The following NEMP1 variants were observed in gnomAD, a reference collection of about 807,000 sequenced individuals.
The protein encoded by NEMP1 is nuclear envelope integral membrane protein 1, also known as transmembrane protein 194.
NEMP1 carries 29 observed loss-of-function variants against 53.7 expected under a neutral mutation model. The ratio of observed to expected loss-of-function variants is 0.54; its 90% CI spans 0.40 to 0.74. The LOEUF (loss-of-function observed/expected upper bound fraction) is 0.74. Ranked by LOEUF, NEMP1 falls within the 30% of genes least tolerant of loss-of-function variation. The pLI is 0.00. For synonymous variants in NEMP1, 193 were observed against 192.9 expected, an observed-to-expected ratio of 1.00 and a Z score of 0.00; for missense variants, 477 against 528.6, an observed-to-expected ratio of 0.90 and a Z score of 0.96.
Position 57,063,125 on chromosome 12 carries a change from G to A in NEMP1, c.974C>T (p.Thr325Ile). 6.2e-7 allele frequency: 1 copy of A among 1,611,484 alleles called. No individual in the cohort carries two copies. The highest frequency in any genetic ancestry group is 8.5e-7 in the Non-Finnish European group (1 of 1,177,606). Residue 325 changes from threonine (T) to isoleucine (I), a missense_variant, in exon 7 of 9, where the codon ACC becomes ATC. Coordinates refer to ENST00000300128, the MANE Select transcript of NEMP1 (RefSeq NM_001130963.2). ...TACATTGCCTTTCAGTCACCTGCAG[G>A]TGATGTACAGCCACTGAATAGGGTG... ...LEHPIQWLYI[T>I]CRKVCKGAEK...
chr12:57,060,045 A>G lies in NEMP1; in HGVS notation c.1169T>C (p.Val390Ala). ...IQSPKRFADF[V>A]EGSSHLTPNE... ...TGGCGTGAGGTGGGAAGAGCCTTCC[A>G]CAAAGTCAGCAAATCTGGAAAAGAG... is the stretch of plus-strand genomic sequence containing the variant. The change falls in exon 9 of 9, where the codon GTG (valine) becomes GCG (alanine). Residue 390 changes from valine to alanine, a missense_variant. Val to Ala is a moderately conservative substitution (Grantham distance 64). Coordinates refer to ENST00000300128, the MANE Select transcript of NEMP1 (RefSeq NM_001130963.2). The G allele has an allele frequency of 1.9e-6, 3 of 1,613,772 alleles. No individual in the cohort carries two copies. Among genetic ancestry groups the G allele is most frequent in the East Asian group, 2.2e-5 (1 of 44,896 alleles).
chr12:57,059,570 CAAG>C lies in NEMP1; in HGVS notation c.*306_*308del, dbSNP rs879327428. On this transcript the variant is annotated 3_prime_UTR_variant, in exon 9 of 9. Transcript: ENST00000300128. The stretch of plus-strand genomic sequence containing the variant: ...GAAATGCCATGATTGAATCAACTTT[CAAG>C]AAGGAGCTAGAATGCCATGCTAGCT... The C allele has an allele frequency of 2.3e-4, 52 of 226,884 alleles. No individual in the cohort carries two copies. In the Admixed American group the frequency reaches 2.3e-3, roughly 10 times the overall value. 14.1% of individuals were successfully genotyped at this position (226,884 alleles called of 1,614,324 possible).
rs372274686 is a variant in NEMP1 at position 57,058,767 on chromosome 12, G to A, written c.*1112C>T. 2 of 152,174 alleles carry A rather than the reference G, an allele frequency of 1.3e-5. No individual in the cohort carries two copies. Among genetic ancestry groups the A allele is most frequent in the African/African-American group, 4.8e-5 (2 of 41,438 alleles). 9.4% of individuals were successfully genotyped at this position (152,174 alleles called of 1,614,324 possible). A position where few individuals can be genotyped will look rare whatever the true frequency, so the allele number is the denominator to read the frequency against. On this transcript the variant is annotated 3_prime_UTR_variant, in exon 9 of 9. Coordinates refer to ENST00000300128, the MANE Select transcript of NEMP1 (RefSeq NM_001130963.2). ...GTATCAAGAAACTACATAGTTTCAA[G>A]GCTTAAAAATTACCCAGATTTGGGG...
intron 2 of NEMP1, among the ~76,000 whole-genome samples, chr12:57,071,595 T>C (rs1481785856): frequency 1.3e-5 from 2 of 152,156 alleles, no homozygotes; most frequent in Non-Finnish European, 2.9e-5. Flanking sequence ...GCCAGGCTGG[T>C]CTCGAACTCC....
intron 1 of NEMP1, among the ~76,000 whole-genome samples, chr12:57,077,166 A>C: frequency 6.6e-6 from 1 of 151,312 alleles, no homozygotes; most frequent in Non-Finnish European, 1.5e-5. Context: ...CCCCCTCTCT[A>C]CTAAAAATAC....
intron 5 of NEMP1, 132 bp downstream of exon 5, chr12:57,064,514 T>C: frequency 1.7e-6 from 1 of 605,694 alleles, no homozygotes; most frequent in South Asian, 2.7e-5. Context: ...AGTACCTTTC[T>C]GAATCAAGGA....
rs777320962 is a variant in NEMP1 at position 57,064,080 on chromosome 12, A to C, written c.745T>G (p.Tyr249Asp). The C allele has an allele frequency of 6.3e-7, 1 of 1,591,848 alleles. No homozygotes were observed. The highest frequency in any genetic ancestry group is 2.3e-5 in the East Asian group (1 of 44,414). The change falls in exon 6 of 9, where the codon TAT becomes GAT. Residue 249 changes from tyrosine to aspartate, a missense_variant. Physicochemically the swap from Tyr to Asp is radical, Grantham distance 160. Coordinates refer to ENST00000300128, the MANE Select transcript of NEMP1 (RefSeq NM_001130963.2). ...AACCGACAACACTTACTTAAAAGATACTGCCAGTAACACCTCCAGATCTCT... is the reference window on the plus strand; with the variant it reads ...AACCGACAACACTTACTTAAAAGATCCTGCCAGTAACACCTCCAGATCTCT... ...LQEIWRCYWQYLLSYVLTVGF... is the reference protein window; with the variant it reads ...LQEIWRCYWQDLLSYVLTVGF...
intron 1 of NEMP1, chr12:57,087,862 C>T (rs1205506257): frequency 6.6e-6 from 1 of 152,214 alleles, no homozygotes; most frequent in African/African-American, 2.4e-5. Flanking sequence ...CCCTCCTTTC[C>T]CTGGGGCTTA....
chr12:57,081,544 A>G (rs528961920), upstream of NEMP1, among the ~76,000 whole-genome samples: 21 of 146,136 alleles, frequency 1.4e-4, 1 homozygote, highest in East Asian at 4.8e-3. Context: ...TGCCCAGCCC[A>G]TTATGTTTTT....
At chr12:57,065,739 G>A (rs2136492133) in intron 4 of NEMP1, among the ~76,000 whole-genome samples, 1 of 151,866 alleles carries the variant, frequency 6.6e-6, no homozygotes, top group South Asian at 2.1e-4. Flanking sequence ...GGGCTCAAGT[G>A]ATCTGCCCGC....
intron 1 of NEMP1, among the ~76,000 whole-genome samples, chr12:57,084,481 A>G (rs1053125907): frequency 1.3e-5 from 2 of 152,088 alleles, no homozygotes; most frequent in African/African-American, 4.8e-5. Context: ...CTTATTTTCT[A>G]TATTTTGAAT....
At chr12:57,067,546 G>A (rs1162916905) in intron 4 of NEMP1, among the ~76,000 whole-genome samples, 2 of 152,112 alleles carry the variant, frequency 1.3e-5, no homozygotes, top group Non-Finnish European at 2.9e-5. Context: ...GCTTGACCCA[G>A]GGTTGCCACG....
Position 57,063,193 on chromosome 12 carries a change from G to C in NEMP1, c.906C>G (p.Ala302=). The part of the protein sequence containing the change: ...MYSGIQIPHI[A]LAIIIIALCT... ...AAAGAGCAATGATGATAATGGCAAG[G>C]GCAATATGTGGTATCTGGATGCCAG... The change falls in exon 7 of 9, where the codon GCC becomes GCG. Residue 302 remains alanine, a synonymous_variant. Coordinates refer to ENST00000300128, the MANE Select transcript of NEMP1 (RefSeq NM_001130963.2). The C allele has an allele frequency of 6.2e-7, 1 of 1,614,142 alleles. No individual in the cohort carries two copies. Among genetic ancestry groups the C allele is most frequent in the Non-Finnish European group, 8.5e-7 (1 of 1,180,034 alleles).
intron 1 of NEMP1, among the ~76,000 whole-genome samples, chr12:57,076,765 T>C (rs1414790301): frequency 1.3e-5 from 2 of 151,108 alleles, no homozygotes; most frequent in Non-Finnish European, 2.9e-5. Context: ...GATAGTGCCA[T>C]TGCACTCCAG....
At chr12:57,076,165 T>C (rs1255508089) in intron 1 of NEMP1, among the ~76,000 whole-genome samples, 4 of 152,104 alleles carry the variant, frequency 2.6e-5, no homozygotes, top group Non-Finnish European at 4.4e-5. Flanking sequence ...AAACTAGAAA[T>C]ACCACAAATA....
upstream of NEMP1, among the ~76,000 whole-genome samples, chr12:57,081,752 A>T (rs1335843966): frequency 6.7e-6 from 1 of 149,614 alleles, no homozygotes; most frequent in Non-Finnish European, 1.5e-5. Flanking sequence ...CTAAAAATAA[A>T]AAAAATTAGT....
chr12:57,070,940 T>G, intron 2 of NEMP1, 47 bp from the exon 3 acceptor site: 1 of 1,505,774 alleles, frequency 6.6e-7, no homozygotes, highest in Non-Finnish European at 9.0e-7. Flanking sequence ...AGTAGGAATT[T>G]TAATTTTTCA....
chr12:57,082,662 T>C (rs893404359), upstream of NEMP1, among the ~76,000 whole-genome samples: 29 of 152,118 alleles, frequency 1.9e-4, no homozygotes, highest in Admixed American at 1.4e-3. Context: ...CAGTGAGCCA[T>C]GATCATGCCT....
chr12:57,072,685 A>T lies in NEMP1; in HGVS notation c.252+103T>A, dbSNP rs928499221. 77 of 1,287,272 alleles carry T rather than the reference A, an allele frequency of 6.0e-5. No individual in the cohort carries two copies. In the African/African-American group the frequency reaches 1.1e-3, roughly 18 times the overall value. The allele number at this position is 1,287,272 out of a possible 1,614,324, so 79.7% of individuals were successfully genotyped here. On this transcript the variant is annotated intron_variant, in intron 2 of 8. Coordinates refer to ENST00000300128, the MANE Select transcript of NEMP1 (RefSeq NM_001130963.2). ...CAACCCTAACAAGATTGTTAACAAC[A>T]TTTTTTTTAAGCATGTGAAGGGGAA...
Sources: allele counts gnomAD v4.1 joint callset (sites outside exome capture counted in the v4.1 genomes callset), GRCh38; gene constraint gnomAD v4.1.1; transcripts MANE v1.5; gene names NCBI Gene and HGNC (gene_info 2026-07-23, HGNC 2026-07-21).